Variants in SLC4A4 observed in about 807,000 individuals in gnomAD.
The protein encoded by SLC4A4 is electrogenic sodium bicarbonate cotransporter 1.
SLC4A4 carries 27 observed loss-of-function variants against 111.5 expected under a neutral mutation model. The observed-to-expected ratio is 0.24, with a 90% CI of 0.18 to 0.33. SLC4A4 has a LOEUF of 0.33. Ranked by LOEUF, SLC4A4 falls within the 10% of genes least tolerant of loss-of-function variation. The probability of loss-of-function intolerance (pLI) is 1.00; values close to 1 mark genes in which losing one functional copy is unlikely to be tolerated. For missense variants in SLC4A4, 909 were observed against 1,315.5 expected, an observed-to-expected ratio of 0.69 and a Z score of 4.78; for synonymous variants, 443 against 463.4, an observed-to-expected ratio of 0.96 and a Z score of 0.57.
chr4:71,100,776 A>G (rs1302446845), intron 2 of SLC4A4, among the ~76,000 whole-genome samples: 7 of 152,218 alleles, frequency 4.6e-5, no homozygotes, highest in Non-Finnish European at 1.0e-4. Context: ...AATGTACAAA[A>G]ATCACCAGCA....
chr4:71,108,356 T>A (rs775935697), intron 2 of SLC4A4, among the ~76,000 whole-genome samples: 5 of 152,244 alleles, frequency 3.3e-5, no homozygotes, highest in Non-Finnish European at 5.9e-5. Flanking sequence ...TTTTTGTTTA[T>A]CTGAGAATGC....
At chr4:71,339,611 A>G in intron 4 of SLC4A4, 106 bp downstream of exon 4, 1 of 1,043,908 alleles carries the variant, frequency 9.6e-7, no homozygotes, top group Non-Finnish European at 1.5e-6. Flanking sequence ...TTGAATGGCC[A>G]ATGGGCATGA....
At chr4:71,287,846 A>G (rs896463928) in intron 3 of SLC4A4, among the ~76,000 whole-genome samples, 4 of 152,220 alleles carry the variant, frequency 2.6e-5, no homozygotes, top group South Asian at 4.1e-4. Context: ...AATATTTTCT[A>G]TTAACTAATT....
At chr4:71,091,019 C>A (rs1742370973) in intron 1 of SLC4A4, among the ~76,000 whole-genome samples, 3 of 152,218 alleles carry the variant, frequency 2.0e-5, no homozygotes. Context: ...ACAATCTCAG[C>A]TGCCTGTAAC....
chr4:71,450,528 C>T lies in SLC4A4; in HGVS notation c.1193C>T (p.Pro398Leu). The change falls in exon 10 of 26, where the codon CCA (proline) becomes CTA (leucine). Residue 398 changes from proline to leucine, a missense_variant. By Grantham distance (98) the Pro-to-Leu change is moderately conservative. This residue lies in a region of SLC4A4 where 312 missense variants were observed against 402.0 expected (regional missense o/e 0.78). Coordinates refer to ENST00000264485, the MANE Select transcript of SLC4A4 (RefSeq NM_001098484.3). ...AGGATAGAGCCTCCTAAGAGTCTTC[C>T]ATCCTCTGACAAAAGGTAAATTATA... Reference protein sequence around the residue: ...AIRIEPPKSLPSSDKRKNMYS... With the variant: ...AIRIEPPKSLLSSDKRKNMYS... 3 of 1,613,442 alleles carry T rather than the reference C, an allele frequency of 1.9e-6. No homozygotes were observed. Among genetic ancestry groups the T allele is most frequent in the Non-Finnish European group, 2.5e-6 (3 of 1,179,748 alleles).
intron 3 of SLC4A4, among the ~76,000 whole-genome samples, chr4:71,315,530 A>G (rs995943091): frequency 5.3e-5 from 8 of 152,128 alleles, no homozygotes; most frequent in Non-Finnish European, 1.2e-4. Context: ...ACCTTTTTCA[A>G]TAGAGGCAGA....
chr4:71,080,566 A>T (rs1741965824), intron 1 of SLC4A4, among the ~76,000 whole-genome samples: 1 of 152,102 alleles, frequency 6.6e-6, no homozygotes, highest in African/African-American at 2.4e-5. Context: ...GAATGGTCTC[A>T]GGTGTTTTCC....
At chr4:71,106,177 A>C (rs11946439) in intron 2 of SLC4A4, among the ~76,000 whole-genome samples, 103 of 151,770 alleles carry the variant, frequency 6.8e-4, no homozygotes, top group Admixed American at 1.2e-3. Flanking sequence ...AAAAAATGCT[A>C]ACCATCACTG....
Position 71,557,833 on chromosome 4 carries a change from C to A in SLC4A4, c.2885C>A (p.Ala962Asp), listed in dbSNP as rs112893531. Residue 962 changes from alanine to aspartate, a missense_variant, in exon 22 of 26, where the codon GCC becomes GAC. Around this residue, in one of 7 missense-constraint regions of SLC4A4, gnomAD observed 104 missense variants for 219.5 expected, o/e 0.47. Coordinates refer to ENST00000264485, the MANE Select transcript of SLC4A4 (RefSeq NM_001098484.3). ...LFTFLQVLCL[A>D]LLWILKSTVA... ...ACTTTCCTGCAGGTGTTGTGTCTGG[C>A]CCTGCTTTGGATCCTCAAGTCAACG... 5.6e-6 allele frequency: 9 copies of A among 1,612,604 alleles called. No homozygotes were observed. The highest frequency in any genetic ancestry group is 7.6e-6 in the Non-Finnish European group (9 of 1,179,196).
At chr4:71,300,764 C>T in intron 3 of SLC4A4, 1 of 365,818 alleles carries the variant, frequency 2.7e-6, no homozygotes, top group Non-Finnish European at 5.5e-6. Flanking sequence ...TACAGGCCAT[C>T]TGGTGGATAG....
At chr4:71,183,249 A>G (rs1385355910), upstream of SLC4A4, among the ~76,000 whole-genome samples, 1 of 152,162 alleles carries the variant, frequency 6.6e-6, no homozygotes, top group African/African-American at 2.4e-5. Context: ...CTGATAGTTG[A>G]CTTTAGGCAT....
At chr4:71,284,188 A>C (rs1332989268) in intron 3 of SLC4A4, among the ~76,000 whole-genome samples, 2 of 152,206 alleles carry the variant, frequency 1.3e-5, no homozygotes, top group African/African-American at 4.8e-5. Context: ...ACTCTTTGCC[A>C]GATTCATTAC....
intron 2 of SLC4A4, among the ~76,000 whole-genome samples, chr4:71,109,936 A>G (rs184618863): frequency 1.8e-4 from 28 of 152,320 alleles, no homozygotes; most frequent in Admixed American, 1.4e-3. Context: ...CTAGGAACAC[A>G]TGCACAACTG....
At chr4:71,218,617 G>A (rs756606359) in intron 1 of SLC4A4, among the ~76,000 whole-genome samples, 1 of 152,046 alleles carries the variant, frequency 6.6e-6, no homozygotes, top group Non-Finnish European at 1.5e-5. Flanking sequence ...TTTTGATACT[G>A]TGAGCTAATA....
chr4:71,084,650 CG>C (rs752858047), intron 1 of SLC4A4, among the ~76,000 whole-genome samples: 9 of 151,880 alleles, frequency 5.9e-5, no homozygotes, highest in Non-Finnish European at 1.5e-5. Flanking sequence ...TAAGAACATG[CG>C]GTGTTTGGTT....
intron 5 of SLC4A4, among the ~76,000 whole-genome samples, chr4:71,354,933 T>C (rs1730153021): frequency 6.6e-6 from 1 of 152,174 alleles, no homozygotes; most frequent in Non-Finnish European, 1.5e-5. Flanking sequence ...CAATTGGTAG[T>C]GTCTGTGGGA....
intron 4 of SLC4A4, among the ~76,000 whole-genome samples, chr4:71,344,020 C>T (rs1485435451): frequency 4.6e-5 from 7 of 152,020 alleles, no homozygotes; most frequent in African/African-American, 1.7e-4. Flanking sequence ...TGAAACCTTC[C>T]CCCAATGCTT....
At chr4:71,265,746 T>C (rs549676095) in intron 3 of SLC4A4, among the ~76,000 whole-genome samples, 1 of 152,302 alleles carries the variant, frequency 6.6e-6, no homozygotes, top group East Asian at 1.9e-4. Flanking sequence ...CTAACGATTT[T>C]CCCTTTATTC....
At chr4:71,495,990 A>G (rs976153422) in intron 15 of SLC4A4, among the ~76,000 whole-genome samples, 2 of 152,102 alleles carry the variant, frequency 1.3e-5, no homozygotes, top group African/African-American at 2.4e-5. Flanking sequence ...AGTGTTGTGC[A>G]TAGCAAAAGA....
Sources: allele counts gnomAD v4.1 joint callset (sites outside exome capture counted in the v4.1 genomes callset), GRCh38; gene constraint gnomAD v4.1.1; regional missense constraint gnomAD v4.1.1; transcripts MANE v1.5; gene names NCBI Gene and HGNC (gene_info 2026-07-23, HGNC 2026-07-21).